The following GEMIN7 variants were observed in gnomAD, a reference collection of about 807,000 sequenced individuals.
GEMIN7 encodes the protein gem-associated protein 7.
GEMIN7 carries 7 observed loss-of-function variants against 7.8 expected under a neutral mutation model. The ratio of observed to expected loss-of-function variants is 0.90; its 90% CI spans 0.51 to 1.69. The LOEUF (loss-of-function observed/expected upper bound fraction) is 1.69, where lower values mean the gene tolerates loss of function less well. Among genes scored for constraint, GEMIN7 ranks in the 40% most tolerant of loss-of-function variants. The pLI is 0.00. For synonymous variants in GEMIN7, 68 were observed against 72.4 expected, an observed-to-expected ratio of 0.94 and a Z score of 0.31; for missense variants, 159 against 176.2, an observed-to-expected ratio of 0.90 and a Z score of 0.55.
At chr19:45,078,516 T>C (rs533118978), upstream of GEMIN7, among the ~76,000 whole-genome samples, 1 of 152,274 alleles carries the variant, frequency 6.6e-6, no homozygotes, top group Non-Finnish European at 1.5e-5. Context: ...AGGATGGGAG[T>C]CTGTCTTGTT....
Position 45,081,882 on chromosome 19 carries a change from A to G in GEMIN7, c.-9+1853A>G, listed in dbSNP as rs952357277. ...AGGCGATCTACCCACCTCAGCCTTC[A>G]AAAGTGCTGGGATTACAGGCGTGAC... is the stretch of plus-strand genomic sequence containing the variant. On this transcript the variant is annotated intron_variant, in intron 2 of 2. Transcript: ENST00000270257. Among the ~76,000 whole-genome samples, 3 of 151,970 alleles carry G rather than the reference A, an allele frequency of 2.0e-5. No individual in the cohort carries two copies. In the South Asian group the frequency reaches 6.2e-4, roughly 32 times the overall value.
chr19:45,082,484 C>G (rs184650494), intron 2 of GEMIN7, among the ~76,000 whole-genome samples: 26 of 152,340 alleles, frequency 1.7e-4, no homozygotes, highest in African/African-American at 6.3e-4. Context: ...TCTGTGTCCC[C>G]TATTGGACTG....
chr19:45,078,950 G>T (rs1242709084), upstream of GEMIN7, among the ~76,000 whole-genome samples: 1 of 152,206 alleles, frequency 6.6e-6, no homozygotes. Flanking sequence ...GTATGTGTAG[G>T]GGGATGGGGA....
upstream of GEMIN7, chr19:45,076,427 G>A: frequency 8.4e-7 from 1 of 1,189,876 alleles, no homozygotes. This position sits in a 1 kb window ranked among gnomAD's most constrained non-coding sequence, Gnocchi z 4.9. Context: ...CGGGCGGGCG[G>A]AGGACGCACG....
chr19:45,081,782 ACACC>A (rs1420755238), intron 2 of GEMIN7, among the ~76,000 whole-genome samples: 4 of 152,014 alleles, frequency 2.6e-5, no homozygotes, highest in African/African-American at 9.7e-5. Context: ...ACGCACCACC[ACACC>A]CAGCTAACTT....
Position 45,090,759 on chromosome 19 carries a change from G to A in GEMIN7, c.*249G>A, listed in dbSNP as rs567787241. The stretch of plus-strand genomic sequence containing the variant: ...AGAACTCTGAACCCTACAGAAATAT[G>A]GGCCTGCTGCCATTTCCTGAAGACC... On this transcript the variant is annotated 3_prime_UTR_variant, in exon 3 of 3. Transcript: ENST00000270257. The A allele has an allele frequency of 3.2e-5, 15 of 473,152 alleles. No individual in the cohort carries two copies. The highest frequency in any genetic ancestry group is 2.9e-4 in the African/African-American group (15 of 51,652). 29.3% of individuals were successfully genotyped at this position (473,152 alleles called of 1,614,324 possible). A position where few individuals can be genotyped will look rare whatever the true frequency, so the allele number is the denominator to read the frequency against.
intron 2 of GEMIN7, among the ~76,000 whole-genome samples, chr19:45,084,692 C>T (rs946067856): frequency 6.6e-6 from 1 of 152,178 alleles, no homozygotes; most frequent in East Asian, 1.9e-4. Context: ...AGTCTCCTGC[C>T]TCAGCCTCCT....
At chr19:45,080,446 G>A (rs920192416) in intron 2 of GEMIN7, among the ~76,000 whole-genome samples, 2 of 148,778 alleles carry the variant, frequency 1.3e-5, no homozygotes, top group African/African-American at 2.5e-5. Context: ...CGTGATCTCC[G>A]CTCACTGCAA....
chr19:45,082,763 C>T (rs1183297742), intron 2 of GEMIN7, among the ~76,000 whole-genome samples: 5 of 150,998 alleles, frequency 3.3e-5, no homozygotes, highest in Non-Finnish European at 5.9e-5. Flanking sequence ...GGACTCTAGT[C>T]GCACACTACC....
At chr19:45,076,113 C>T (rs781729127), upstream of GEMIN7, 32 of 1,571,394 alleles carry the variant, frequency 2.0e-5, no homozygotes, top group South Asian at 3.6e-4. This position sits in a 1 kb window ranked among gnomAD's most constrained non-coding sequence, Gnocchi z 4.9. Flanking sequence ...ACAGGGTCCA[C>T]GGGTTCCGCG....
At chr19:45,086,886 G>T (rs572215076) in intron 2 of GEMIN7, among the ~76,000 whole-genome samples, 3 of 151,842 alleles carry the variant, frequency 2.0e-5, no homozygotes, top group African/African-American at 4.8e-5. Flanking sequence ...TTGCTCTGTC[G>T]CCCAGGCTGG....
At chr19:45,076,178 G>A, upstream of GEMIN7, 1 of 1,509,298 alleles carries the variant, frequency 6.6e-7, no homozygotes, top group Non-Finnish European at 8.8e-7. The surrounding 1 kb of genome is among the most constrained non-coding windows in gnomAD (Gnocchi z 4.9). Flanking sequence ...GAGTGGTGGG[G>A]TTCGCCGCCG....
intron 2 of GEMIN7, among the ~76,000 whole-genome samples, chr19:45,085,885 T>TTTTTGG (rs1967666783): frequency 7.1e-6 from 1 of 141,564 alleles, no homozygotes; most frequent in Admixed American, 7.2e-5. Flanking sequence ...TTTTTTTTTT[T>TTTTTGG]GAGACGGAGT....
chr19:45,077,847 C>T (rs948699658), upstream of GEMIN7, among the ~76,000 whole-genome samples: 3 of 151,814 alleles, frequency 2.0e-5, no homozygotes, highest in East Asian at 1.9e-4. Context: ...TCTTCACTGC[C>T]GCCTCCTCTG....
At chr19:45,083,665 T>C (rs1004601538) in intron 2 of GEMIN7, among the ~76,000 whole-genome samples, 3 of 141,548 alleles carry the variant, frequency 2.1e-5, no homozygotes, top group African/African-American at 7.9e-5. Context: ...AGTGGTGCAA[T>C]CACATCTCAC....
At position 45,082,786 on chromosome 19, in the gene GEMIN7, A is replaced by ATT. The variant is rs35129433; in HGVS notation, c.-9+2771_-9+2772dup. Among the ~76,000 whole-genome samples the ATT allele has an allele frequency of 3.3e-3, 462 of 138,408 alleles. 8 individuals carry two copies. In the Middle Eastern group the frequency reaches 0.036, roughly 11 times the overall value. 90.8% of individuals were successfully genotyped at this position (138,408 alleles called of 152,430 possible). A position where few individuals can be genotyped will look rare whatever the true frequency, so the allele number is the denominator to read the frequency against. On this transcript the variant is annotated intron_variant, in intron 2 of 2. Transcript: ENST00000270257. The stretch of plus-strand genomic sequence containing the variant: ...GTCGCACACTACCCATGCCCAGCTA[A>ATT]TTTTTTTTTTTTTTTGTAGAGATGG...
chr19:45,076,837 T>G (rs1217299553), upstream of GEMIN7: 1 of 154,304 alleles, frequency 6.5e-6, no homozygotes, highest in Non-Finnish European at 1.4e-5. This position sits in a 1 kb window ranked among gnomAD's most constrained non-coding sequence, Gnocchi z 4.9. Flanking sequence ...TTGCAAGCAT[T>G]CACTGAGTGC....
chr19:45,083,298 T>G (rs1265667558), intron 2 of GEMIN7, among the ~76,000 whole-genome samples: 4 of 152,086 alleles, frequency 2.6e-5, no homozygotes, highest in South Asian at 4.2e-4. Flanking sequence ...AATACAAAAA[T>G]TAGCCAGGCA....
At chr19:45,089,943 C>G in intron 2 of GEMIN7, 164 bp from the exon 3 acceptor site, 1 of 679,398 alleles carries the variant, frequency 1.5e-6, no homozygotes, top group Non-Finnish European at 2.5e-6. Context: ...GTTTCTGATC[C>G]AAGCCATTGG....
Sources: allele counts gnomAD v4.1 joint callset (sites outside exome capture counted in the v4.1 genomes callset), GRCh38; gene constraint gnomAD v4.1.1; non-coding constraint Gnocchi (gnomAD v3.1); transcripts MANE v1.5; gene names NCBI Gene and HGNC (gene_info 2026-07-23, HGNC 2026-07-21).